The following MCUB variants were observed in gnomAD, a reference collection of about 807,000 sequenced individuals.
MCUB encodes the protein mitochondrial calcium uniporter dominant negative subunit beta.
In MCUB, 46 loss-of-function variants were observed where a neutral mutation model predicts 41.4. That is an observed-to-expected ratio of 1.11 (90% CI 0.88 to 1.42). The LOEUF is 1.42. Ranked by LOEUF, MCUB falls within the 40% of genes most tolerant of loss-of-function variation. The pLI, the probability that MCUB is intolerant of heterozygous loss-of-function variation, is 0.00. For missense variants in MCUB, 403 were observed against 404.9 expected, an observed-to-expected ratio of 1.00 and a Z score of 0.04; for synonymous variants, 148 against 148.2, an observed-to-expected ratio of 1.00 and a Z score of 0.01.
intron 1 of MCUB, among the ~76,000 whole-genome samples, chr4:109,613,769 T>TA (rs1195317110): frequency 9.9e-5 from 15 of 152,202 alleles, no homozygotes; most frequent in Non-Finnish European, 7.4e-5. Flanking sequence ...GCCATATTCT[T>TA]AAAAAAATTA....
intron 1 of MCUB, among the ~76,000 whole-genome samples, chr4:109,593,581 A>G (rs959126421): frequency 1.3e-5 from 2 of 152,226 alleles, no homozygotes; most frequent in African/African-American, 4.8e-5. Flanking sequence ...TATGAAATGA[A>G]TATTTTTAGT....
chr4:109,614,473 C>T (rs182230520), intron 1 of MCUB, among the ~76,000 whole-genome samples: 11 of 151,860 alleles, frequency 7.2e-5, no homozygotes, highest in Non-Finnish European at 1.3e-4. Context: ...TTCTGCACTC[C>T]GCTATGTGAG....
At chr4:109,613,951 A>C (rs766590705) in intron 1 of MCUB, among the ~76,000 whole-genome samples, 5 of 152,070 alleles carry the variant, frequency 3.3e-5, no homozygotes, top group African/African-American at 4.8e-5. Flanking sequence ...CACCAATCTT[A>C]TTTATATTGC....
intron 1 of MCUB, among the ~76,000 whole-genome samples, chr4:109,637,452 G>GT (rs1346139363): frequency 6.6e-6 from 1 of 152,162 alleles, no homozygotes; most frequent in Non-Finnish European, 1.5e-5. Context: ...GCACACCCTT[G>GT]TTTATTGCAG....
At chr4:109,631,884 C>T (rs1728481592) in intron 1 of MCUB, among the ~76,000 whole-genome samples, 3 of 152,202 alleles carry the variant, frequency 2.0e-5, no homozygotes. Context: ...CAGCTCCAGC[C>T]CAGTCTTCTG....
chr4:109,595,080 G>A (rs1274267830), intron 1 of MCUB, among the ~76,000 whole-genome samples: 15 of 151,540 alleles, frequency 9.9e-5, no homozygotes, highest in Admixed American at 6.6e-4. Context: ...TATTCAACTC[G>A]GAAAATATAA....
At chr4:109,561,856 C>T (rs927533286) in intron 1 of MCUB, among the ~76,000 whole-genome samples, 2 of 152,168 alleles carry the variant, frequency 1.3e-5, no homozygotes, top group Non-Finnish European at 2.9e-5. Flanking sequence ...TCAAGCGATT[C>T]TCCTACCTCA....
intron 1 of MCUB, among the ~76,000 whole-genome samples, chr4:109,609,994 G>T (rs1260702294): frequency 6.6e-6 from 1 of 152,134 alleles, no homozygotes; most frequent in Non-Finnish European, 1.5e-5. Flanking sequence ...ACAAGACAAA[G>T]TTCCTCCTAA....
intron 1 of MCUB, among the ~76,000 whole-genome samples, chr4:109,608,343 A>T (rs183483676): frequency 1.0e-3 from 156 of 151,964 alleles, no homozygotes; most frequent in Middle Eastern, 6.8e-3. Context: ...CTATTTTGAG[A>T]TACCTGTCTG....
chr4:109,642,985 G>A (rs1041939047), intron 1 of MCUB, among the ~76,000 whole-genome samples: 2 of 149,686 alleles, frequency 1.3e-5, no homozygotes, highest in African/African-American at 2.5e-5. Context: ...AATAGAGACG[G>A]GGTTTCACTG....
chr4:109,619,015 C>T (rs1301709722), intron 1 of MCUB, among the ~76,000 whole-genome samples: 1 of 136,390 alleles, frequency 7.3e-6, no homozygotes, highest in Non-Finnish European at 1.6e-5. Flanking sequence ...TACCTACCTA[C>T]CTATCTACCT....
chr4:109,644,770 C>T (rs965768374), intron 1 of MCUB, among the ~76,000 whole-genome samples: 1 of 152,150 alleles, frequency 6.6e-6, no homozygotes, highest in Non-Finnish European at 1.5e-5. Context: ...TTCCAAACAC[C>T]TTTACACATA....
intron 1 of MCUB, among the ~76,000 whole-genome samples, chr4:109,640,206 G>GA (rs1728684664): frequency 6.6e-6 from 1 of 152,242 alleles, no homozygotes; most frequent in Non-Finnish European, 1.5e-5. Flanking sequence ...GCAAGGGCGG[G>GA]AGGGTGTATT....
intron 1 of MCUB, among the ~76,000 whole-genome samples, chr4:109,579,359 C>A (rs1185431928): frequency 6.6e-6 from 1 of 152,036 alleles, no homozygotes; most frequent in African/African-American, 2.4e-5. Flanking sequence ...AAGCGATTCT[C>A]CTGCCTCAGC....
intron 1 of MCUB, among the ~76,000 whole-genome samples, chr4:109,632,269 A>T (rs977344605): frequency 1.3e-5 from 2 of 152,076 alleles, no homozygotes; most frequent in East Asian, 1.9e-4. Flanking sequence ...TGAAAAGATT[A>T]AAAAAAATCT....
intron 1 of MCUB, among the ~76,000 whole-genome samples, chr4:109,580,034 C>A (rs192541037): frequency 6.6e-6 from 1 of 152,248 alleles, no homozygotes; most frequent in Non-Finnish European, 1.5e-5. Flanking sequence ...CCCCTTGCCC[C>A]CCACCCCACA....
rs1394272345 is a variant in MCUB at position 109,597,878 on chromosome 4, C to T, written c.99+37442C>T. ...GCAGAGGATCTCCTCACTTCTCAGACGGGGTGGCTGGGCAGAGACGCTCCT... is the reference window on the plus strand; with the variant it reads ...GCAGAGGATCTCCTCACTTCTCAGATGGGGTGGCTGGGCAGAGACGCTCCT... On this transcript the variant is annotated intron_variant, in intron 1 of 7. Coordinates refer to ENST00000394650, the MANE Select transcript of MCUB (RefSeq NM_017918.5). Among the ~76,000 whole-genome samples, 37 of 150,096 alleles carry T rather than the reference C, an allele frequency of 2.5e-4. 1 individual carries two copies. In the South Asian group the frequency reaches 5.7e-3, roughly 23 times the overall value.
At chr4:109,604,394 TAA>T (rs922768323) in intron 1 of MCUB, among the ~76,000 whole-genome samples, 2 of 149,336 alleles carry the variant, frequency 1.3e-5, no homozygotes, top group African/African-American at 4.9e-5. Flanking sequence ...TAAAAAAATT[TAA>T]AAAAAAAAAT....
chr4:109,605,904 T>C (rs1391473806), intron 1 of MCUB, among the ~76,000 whole-genome samples: 1 of 152,194 alleles, frequency 6.6e-6, no homozygotes, highest in East Asian at 1.9e-4. Context: ...TTTCAGTCTA[T>C]GTGTCTCTTT....
Sources: gnomAD v4.1 joint callset for allele counts (sites outside exome capture counted in the v4.1 genomes callset) on GRCh38, gnomAD v4.1.1 for gene constraint, MANE v1.5 for transcripts, NCBI Gene and HGNC (gene_info 2026-07-23, HGNC 2026-07-21) for gene names.